Variants in TRAP1 observed in about 807,000 individuals in gnomAD.
TRAP1 encodes the protein heat shock protein 75 kDa, mitochondrial.
A neutral mutation model predicts 89.1 loss-of-function variants in TRAP1; 102 were observed. The ratio of observed to expected loss-of-function variants is 1.15; its 90% CI spans 0.98 to 1.35. The LOEUF (loss-of-function observed/expected upper bound fraction) is 1.35, where lower values mean the gene tolerates loss of function less well. Among genes scored for constraint, TRAP1 ranks in the 40% most tolerant of loss-of-function variants. The pLI is 0.00. For missense variants in TRAP1, 1,256 were observed against 945.3 expected (o/e 1.33, Z -4.31); for synonymous variants, 508 against 388.0 (o/e 1.31, Z -3.64).
rs775994627 is a variant in TRAP1 at position 3,671,755 on chromosome 16, C to A, written c.1202G>T (p.Ser401Ile). The change falls in exon 11 of 18, where the codon AGC becomes ATC. Residue 401 changes from serine (S) to isoleucine (I), a missense_variant. Physicochemically the swap from Ser to Ile is moderately radical, Grantham distance 142. Coordinates refer to ENST00000246957, the MANE Select transcript of TRAP1 (RefSeq NM_016292.3). ...VDSEDIPLNL[S>I]RELLQESALI... Reference sequence around the variant, plus strand: ...TGCGCTCTCCTGCAGCAGCTCCCGGCTGAGGTTCAGGGGAATGTCCTCACT... The same window carrying A: ...TGCGCTCTCCTGCAGCAGCTCCCGGATGAGGTTCAGGGGAATGTCCTCACT... 7 of 1,613,288 alleles carry A rather than the reference C, an allele frequency of 4.3e-6. No homozygotes were observed. Among genetic ancestry groups the A allele is most frequent in the South Asian group, 1.1e-5 (1 of 91,090 alleles).
intron 12 of TRAP1, chr16:3,664,793 C>CA (rs1471872365): frequency 7.5e-6 from 2 of 268,108 alleles, no homozygotes; most frequent in African/African-American, 4.6e-5. Flanking sequence ...CCCTCAGTGA[C>CA]AGAGTCAGTC....
chr16:3,711,961 T>G (rs926048573), intron 1 of TRAP1, among the ~76,000 whole-genome samples: 12 of 152,142 alleles, frequency 7.9e-5, no homozygotes, highest in African/African-American at 2.9e-4. Context: ...TTTACTTCAT[T>G]TGAGTATGAA....
chr16:3,691,231 G>C (rs1396074660), intron 1 of TRAP1: 6 of 309,234 alleles, frequency 1.9e-5, no homozygotes, highest in Admixed American at 1.0e-4. Context: ...GAAACTGGAG[G>C]GGGTGGGCTG....
chr16:3,662,797 C>A (rs534227324), intron 15 of TRAP1, 85 bp downstream of exon 15: 1 of 1,318,010 alleles, frequency 7.6e-7, no homozygotes, highest in Admixed American at 1.7e-5. Context: ...GGACACCCAA[C>A]GGGCCAGGTA....
At chr16:3,717,309 C>T (rs567504110) in intron 1 of TRAP1, 112 bp downstream of exon 1, 2 of 387,772 alleles carry the variant, frequency 5.2e-6, no homozygotes, top group Admixed American at 4.7e-5. Context: ...CTCGCCGGAC[C>T]TCCCACGCCT....
intron 5 of TRAP1, 152 bp downstream of exon 5, chr16:3,679,567 G>C (rs759519154): frequency 4.0e-6 from 3 of 755,948 alleles, no homozygotes; most frequent in Non-Finnish European, 6.6e-6. Flanking sequence ...CTGAGGGATG[G>C]CTGTCATGTC....
intron 3 of TRAP1, among the ~76,000 whole-genome samples, chr16:3,688,817 A>C (rs1362149980): frequency 6.6e-6 from 1 of 152,140 alleles, no homozygotes; most frequent in African/African-American, 2.4e-5. Context: ...TATTGGCAAA[A>C]TTCAATTAAT....
chr16:3,689,387 G>A (rs1201920907), intron 2 of TRAP1, among the ~76,000 whole-genome samples: 2 of 151,984 alleles, frequency 1.3e-5, no homozygotes, highest in Non-Finnish European at 2.9e-5. Flanking sequence ...TGGGACTACA[G>A]GTGCCTGCCA....
chr16:3,699,687 A>C (rs373972888), intron 1 of TRAP1, among the ~76,000 whole-genome samples: 7 of 150,262 alleles, frequency 4.7e-5, no homozygotes, highest in African/African-American at 1.7e-4. Flanking sequence ...TTTCTTTCTT[A>C]GAAAAGAGAT....
chr16:3,715,123 G>T (rs771619027), intron 1 of TRAP1, among the ~76,000 whole-genome samples: 1 of 152,212 alleles, frequency 6.6e-6, no homozygotes, highest in Non-Finnish European at 1.5e-5. Context: ...GAGGACGAGA[G>T]GAGAGAGACA....
At chr16:3,666,688 C>T (rs1489472850) in intron 11 of TRAP1, among the ~76,000 whole-genome samples, 1 of 152,040 alleles carries the variant, frequency 6.6e-6, no homozygotes, top group Non-Finnish European at 1.5e-5. Context: ...GCAAAGAATG[C>T]ACATTCTACA....
chr16:3,662,452 T>C (rs2151239546), intron 15 of TRAP1: 2 of 535,902 alleles, frequency 3.7e-6, no homozygotes, highest in East Asian at 6.6e-5. Flanking sequence ...TGACCATGCA[T>C]GGGACGCTCA....
intron 13 of TRAP1, chr16:3,664,073 A>G: frequency 3.5e-6 from 2 of 576,534 alleles, no homozygotes; most frequent in Non-Finnish European, 5.7e-6. Flanking sequence ...AAAAAAACAA[A>G]AAACAAACAA....
At chr16:3,692,648 CAGTGCAATG>C (rs1470872030) in intron 1 of TRAP1, among the ~76,000 whole-genome samples, 1 of 136,400 alleles carries the variant, frequency 7.3e-6, no homozygotes, top group Non-Finnish European at 1.5e-5. Flanking sequence ...GCCCAGGCTG[CAGTGCAATG>C]GTGCAATCTC....
intron 1 of TRAP1, among the ~76,000 whole-genome samples, chr16:3,712,549 G>C (rs1024287194): frequency 2.0e-5 from 3 of 152,028 alleles, no homozygotes; most frequent in African/African-American, 7.3e-5. Flanking sequence ...TTTTGTCTTA[G>C]CTTAGGCCAA....
rs199819910 is a variant in TRAP1 at position 3,677,482 on chromosome 16, G to A, written c.704+16C>T. 37 of 1,614,124 alleles carry A rather than the reference G, an allele frequency of 2.3e-5. No homozygotes were observed. The highest frequency in any genetic ancestry group is 2.0e-4 in the Admixed American group (12 of 60,016). ...CTCAGCTTTGAGCTGCCTGTCAGGC[G>A]ACATTCGTCACTCACCCATCTGAAA... On this transcript the variant is annotated intron_variant, in intron 6 of 17. Coordinates refer to ENST00000246957, the MANE Select transcript of TRAP1 (RefSeq NM_016292.3).
chr16:3,693,338 C>T (rs1325899864), intron 1 of TRAP1, among the ~76,000 whole-genome samples: 1 of 151,834 alleles, frequency 6.6e-6, no homozygotes, highest in Admixed American at 6.6e-5. Context: ...ATGTAAACAT[C>T]CAGTTATTTG....
intron 1 of TRAP1, among the ~76,000 whole-genome samples, chr16:3,699,629 CAAAAAAA>C (rs35602361): frequency 3.6e-4 from 26 of 72,066 alleles, no homozygotes; most frequent in Non-Finnish European, 3.9e-4. Context: ...AACTCCGTCT[CAAAAAAA>C]AAAAAAAAAA....
chr16:3,709,168 G>T (rs147330149), intron 1 of TRAP1, among the ~76,000 whole-genome samples: 1 of 143,060 alleles, frequency 7.0e-6, no homozygotes, highest in Non-Finnish European at 1.5e-5. Context: ...CAGAGGTTAC[G>T]GTGAGCCAAG....
Sources: allele counts gnomAD v4.1 joint callset (sites outside exome capture counted in the v4.1 genomes callset), GRCh38; gene constraint gnomAD v4.1.1; transcripts MANE v1.5; gene names NCBI Gene and HGNC (gene_info 2026-07-23, HGNC 2026-07-21).